PHACTR1: variants seen among roughly 807,000 people sequenced by gnomAD.
The protein encoded by PHACTR1 is RPEL repeat containing 1.
In PHACTR1, 16 loss-of-function variants were observed where a neutral mutation model predicts 69.2. The observed-to-expected ratio is 0.23, with a 90% CI of 0.16 to 0.35. The LOEUF (loss-of-function observed/expected upper bound fraction) is 0.35. PHACTR1 is among the 10% of genes least tolerant of loss of function. The probability of loss-of-function intolerance (pLI) is 1.00; values close to 1 mark genes in which losing one functional copy is unlikely to be tolerated. For synonymous variants in PHACTR1, 312 were observed against 284.5 expected, an observed-to-expected ratio of 1.10 and a Z score of -0.97; for missense variants, 510 against 734.7, an observed-to-expected ratio of 0.69 and a Z score of 3.54.
chr6:13,220,007 C>T (rs1467810724), intron 8 of PHACTR1, among the ~76,000 whole-genome samples: 2 of 152,120 alleles, frequency 1.3e-5, no homozygotes, highest in African/African-American at 4.8e-5. Flanking sequence ...TGTCCCCATT[C>T]ATAAACAATC....
At chr6:13,013,509 TGG>T (rs1401646726) in intron 4 of PHACTR1, among the ~76,000 whole-genome samples, 1 of 152,224 alleles carries the variant, frequency 6.6e-6, no homozygotes, top group Non-Finnish European at 1.5e-5. Flanking sequence ...CGTTCCGCCC[TGG>T]AGCTCTTGAG....
At chr6:13,228,142 C>T (rs941643483) in intron 9 of PHACTR1, 79 bp downstream of exon 9, 3 of 1,501,240 alleles carry the variant, frequency 2.0e-6, no homozygotes, top group Non-Finnish European at 8.9e-7. Flanking sequence ...ACCCAGCAGC[C>T]CAGCAGTCTG....
At chr6:13,002,353 A>G (rs1448336487) in intron 4 of PHACTR1, among the ~76,000 whole-genome samples, 1 of 152,162 alleles carries the variant, frequency 6.6e-6, no homozygotes, top group African/African-American at 2.4e-5. Context: ...TTCACAGGAA[A>G]ATGTCTCAGC....
chr6:13,217,566 C>T (rs1183063224), intron 8 of PHACTR1, among the ~76,000 whole-genome samples: 1 of 152,106 alleles, frequency 6.6e-6, no homozygotes, highest in African/African-American at 2.4e-5. Flanking sequence ...GGTCATTGGT[C>T]CCTGAAAGGA....
chr6:12,749,366 A>C, intron 3 of PHACTR1: 2 of 509,256 alleles, frequency 3.9e-6, no homozygotes, highest in Non-Finnish European at 7.7e-6. Context: ...AGTCTGGGGG[A>C]GCCCCGGGCG....
At chr6:12,722,699 C>G (rs563341615) in intron 3 of PHACTR1, among the ~76,000 whole-genome samples, 2 of 152,284 alleles carry the variant, frequency 1.3e-5, no homozygotes, top group South Asian at 4.2e-4. Flanking sequence ...GGTTGGACCT[C>G]AAGGTGGGGG....
chr6:12,849,535 A>G (rs1265894763), intron 4 of PHACTR1, among the ~76,000 whole-genome samples: 2 of 152,168 alleles, frequency 1.3e-5, no homozygotes, highest in Admixed American at 1.3e-4. Flanking sequence ...CAGGCTGAGC[A>G]TGTAGGTCAG....
chr6:12,756,519 A>G (rs962508985), intron 4 of PHACTR1, among the ~76,000 whole-genome samples: 2 of 152,216 alleles, frequency 1.3e-5, no homozygotes, highest in Non-Finnish European at 2.9e-5. Context: ...ATGATGACAG[A>G]TTAGCATGAC....
At chr6:13,109,305 A>G (rs926641184) in intron 5 of PHACTR1, among the ~76,000 whole-genome samples, 5 of 152,082 alleles carry the variant, frequency 3.3e-5, no homozygotes, top group African/African-American at 1.2e-4. Context: ...ATCTTCCTCT[A>G]ATATGTCTTA....
At chr6:13,181,783 G>A (rs1352880238) in intron 6 of PHACTR1, among the ~76,000 whole-genome samples, 1 of 152,154 alleles carries the variant, frequency 6.6e-6, no homozygotes, top group African/African-American at 2.4e-5. Flanking sequence ...CAGAAGACAG[G>A]ACCTTGGTGC....
At chr6:12,830,018 AAAAG>A (rs202200215) in intron 4 of PHACTR1, among the ~76,000 whole-genome samples, 6,215 of 137,508 alleles carry the variant, frequency 0.045, 359 homozygotes, top group Middle Eastern at 0.077. Context: ...GGAAGGAAGG[AAAAG>A]AAAGAAAGAA....
chr6:12,836,584 A>C (rs967063748), intron 4 of PHACTR1, among the ~76,000 whole-genome samples: 15 of 152,160 alleles, frequency 9.9e-5, no homozygotes, highest in African/African-American at 3.6e-4. Context: ...GTCCCTGTAA[A>C]CTTTATTAAA....
At chr6:13,040,252 C>A (rs1387115859) in intron 4 of PHACTR1, among the ~76,000 whole-genome samples, 1 of 152,168 alleles carries the variant, frequency 6.6e-6, no homozygotes, top group Non-Finnish European at 1.5e-5. Context: ...GAGCAGGACC[C>A]TTGACATCAG....
chr6:13,195,985 C>T (rs1764353661), intron 7 of PHACTR1, among the ~76,000 whole-genome samples: 1 of 151,902 alleles, frequency 6.6e-6, no homozygotes. Context: ...GTGACATTCA[C>T]GGTTTGGGTT....
intron 4 of PHACTR1, among the ~76,000 whole-genome samples, chr6:12,953,700 G>T (rs1791550964): frequency 6.6e-6 from 1 of 152,218 alleles, no homozygotes; most frequent in Admixed American, 6.5e-5. Context: ...TGTGTAAAAT[G>T]CTTAGCACAG....
chr6:13,042,503 A>C (rs1804346309), intron 4 of PHACTR1, among the ~76,000 whole-genome samples: 1 of 152,184 alleles, frequency 6.6e-6, no homozygotes, highest in Non-Finnish European at 1.5e-5. Flanking sequence ...TGGGCTGCTT[A>C]TTTATGCATT....
Position 12,887,839 on chromosome 6 carries a change from C to T in PHACTR1, c.250+138049C>T, listed in dbSNP as rs140151610. Among the ~76,000 whole-genome samples the T allele has an allele frequency of 6.5e-4, 98 of 151,772 alleles. 1 individual carries two copies. In the East Asian group the frequency reaches 0.017, roughly 27 times the overall value. On this transcript the variant is annotated intron_variant, in intron 4 of 14. Transcript: ENST00000332995. The stretch of plus-strand genomic sequence containing the variant: ...ATCCCAGCACTTTGGGAGACCAAGG[C>T]GGGTGGATTGCCTGAGCTCAGGAGT...
At chr6:13,122,811 T>C (rs926638039) in intron 5 of PHACTR1, among the ~76,000 whole-genome samples, 1 of 152,198 alleles carries the variant, frequency 6.6e-6, no homozygotes, top group African/African-American at 2.4e-5. Context: ...GCTCTCAGCA[T>C]GAGATCAACT....
chr6:12,767,927 T>A (rs572835053), intron 4 of PHACTR1, among the ~76,000 whole-genome samples: 3 of 152,330 alleles, frequency 2.0e-5, no homozygotes, highest in African/African-American at 4.8e-5. Flanking sequence ...GGTACTTGGC[T>A]TAAATATTAT....
Sources: gnomAD v4.1 joint callset for allele counts (sites outside exome capture counted in the v4.1 genomes callset) on GRCh38, gnomAD v4.1.1 for gene constraint, MANE v1.5 for transcripts, NCBI Gene and HGNC (gene_info 2026-07-23, HGNC 2026-07-21) for gene names.